GALNT17: variants seen among roughly 807,000 people sequenced by gnomAD.
GALNT17 encodes UDP-GalNAc:polypeptide N-acetylgalactosaminyltransferase-like 3.
Under a neutral mutation model 63.7 loss-of-function variants are expected in GALNT17, and 29 were observed. The observed-to-expected ratio is 0.46, with a 90% CI of 0.34 to 0.62. GALNT17 has a LOEUF of 0.62. GALNT17 is among the 20% of genes least tolerant of loss of function. The probability of loss-of-function intolerance (pLI) is 0.01; values close to 1 mark genes in which losing one functional copy is unlikely to be tolerated. For synonymous variants in GALNT17, 305 were observed against 318.3 expected (o/e 0.96, Z 0.45); for missense variants, 603 against 799.6 (o/e 0.75, Z 2.97).
chr7:71,381,367 C>G (rs966384582), intron 2 of GALNT17, among the ~76,000 whole-genome samples: 2 of 152,138 alleles, frequency 1.3e-5, no homozygotes, highest in Non-Finnish European at 2.9e-5. Context: ...ATTGATTTCT[C>G]TGTGGAGTAG....
At chr7:71,399,221 G>A (rs73175209) in intron 3 of GALNT17, among the ~76,000 whole-genome samples, 3 of 152,264 alleles carry the variant, frequency 2.0e-5, no homozygotes, top group Non-Finnish European at 4.4e-5. Flanking sequence ...GCAACAGAAT[G>A]AGATTCCATC....
intron 1 of GALNT17, among the ~76,000 whole-genome samples, chr7:71,213,223 T>C (rs1789415067): frequency 1.3e-5 from 2 of 152,202 alleles, no homozygotes; most frequent in Admixed American, 1.3e-4. Context: ...CTTACGGTTT[T>C]ATCAGGGGTT....
chr7:71,455,391 G>A (rs1226311572), intron 5 of GALNT17, among the ~76,000 whole-genome samples: 1 of 152,062 alleles, frequency 6.6e-6, no homozygotes, highest in Non-Finnish European at 1.5e-5. Context: ...CAGTTTGAAG[G>A]TTGCTCTGGG....
intron 2 of GALNT17, among the ~76,000 whole-genome samples, chr7:71,367,663 C>T (rs902974600): frequency 2.6e-5 from 4 of 152,020 alleles, no homozygotes; most frequent in African/African-American, 4.8e-5. Context: ...TAGCCACTGA[C>T]GAGTCCACCA....
rs867144930 is a variant in GALNT17 at position 71,406,674 on chromosome 7, C to T, written c.590-9215C>T. Among the ~76,000 whole-genome samples the T allele has an allele frequency of 3.3e-5, 5 of 151,382 alleles. No individual in the cohort carries two copies. The South Asian group carries it at 1.0e-3, about 32-fold the overall frequency. On this transcript the variant is annotated intron_variant, in intron 3 of 10. Transcript: ENST00000333538. ...TAGTCTTTGTAGGGCTGCTTTTATA[C>T]ATTTAGCTGATTGGTTATTTCAGGC...
intron 1 of GALNT17, among the ~76,000 whole-genome samples, chr7:71,274,550 G>T (rs1439600446): frequency 6.6e-6 from 1 of 152,202 alleles, no homozygotes; most frequent in Non-Finnish European, 1.5e-5. Flanking sequence ...AAAGCGCTGG[G>T]TTGGCAGATG....
intron 5 of GALNT17, among the ~76,000 whole-genome samples, chr7:71,434,959 G>A (rs954038675): frequency 3.3e-5 from 5 of 152,200 alleles, no homozygotes; most frequent in Non-Finnish European, 4.4e-5. Context: ...TCTGGAGAAG[G>A]CTGGTTGACA....
At chr7:71,588,736 A>G (rs1177072881) in intron 6 of GALNT17, among the ~76,000 whole-genome samples, 3 of 152,146 alleles carry the variant, frequency 2.0e-5, no homozygotes, top group Admixed American at 1.3e-4. Flanking sequence ...TCTGCTTAAC[A>G]TGGATTTGTT....
chr7:71,380,894 T>A (rs1228090133), intron 2 of GALNT17, among the ~76,000 whole-genome samples: 1 of 151,034 alleles, frequency 6.6e-6, no homozygotes, highest in South Asian at 2.1e-4. Context: ...GAGAGCTTGA[T>A]AAGGGGTAGA....
At chr7:71,264,043 G>A (rs543822821) in intron 1 of GALNT17, among the ~76,000 whole-genome samples, 5 of 152,270 alleles carry the variant, frequency 3.3e-5, no homozygotes, top group Non-Finnish European at 4.4e-5. Flanking sequence ...GGGGACTATC[G>A]TTTGAGAGCT....
chr7:71,163,548 G>A (rs1788385732), intron 1 of GALNT17, among the ~76,000 whole-genome samples: 1 of 152,210 alleles, frequency 6.6e-6, no homozygotes, highest in Non-Finnish European at 1.5e-5. Flanking sequence ...GGATTTTGGA[G>A]TCATAGTTAC....
At chr7:71,300,286 T>A in intron 1 of GALNT17, 1 of 314,412 alleles carries the variant, frequency 3.2e-6, no homozygotes, top group African/African-American at 2.2e-5. Flanking sequence ...AGAGAGGAAA[T>A]GTATCTGGAC....
At chr7:71,217,853 C>G (rs34396650) in intron 1 of GALNT17, among the ~76,000 whole-genome samples, 56,391 of 151,266 alleles carry the variant, frequency 0.37, 10,842 homozygotes, top group South Asian at 0.53. Flanking sequence ...GTGTGAACTC[C>G]GGAGGCGGAG....
intron 6 of GALNT17, among the ~76,000 whole-genome samples, chr7:71,599,580 G>A (rs1459456301): frequency 6.6e-6 from 1 of 151,942 alleles, no homozygotes; most frequent in East Asian, 2.0e-4. Context: ...TTAAGCCTAG[G>A]CTGTTTCTTC....
At chr7:71,436,877 G>C (rs192209465) in intron 5 of GALNT17, among the ~76,000 whole-genome samples, 2 of 152,036 alleles carry the variant, frequency 1.3e-5, no homozygotes, top group Non-Finnish European at 2.9e-5. Flanking sequence ...ATTTCTCTGC[G>C]GGGGTCCATC....
chr7:71,490,151 G>A (rs1445718337), intron 5 of GALNT17, among the ~76,000 whole-genome samples: 2 of 151,954 alleles, frequency 1.3e-5, no homozygotes, highest in African/African-American at 2.4e-5. Context: ...CCAGCTACTC[G>A]GAGGCTGAGG....
Position 71,149,621 on chromosome 7 carries a change from G to A in GALNT17, c.238+16581G>A, listed in dbSNP as rs566765360. ...TCCAGGACTCTAAATTATGCTGTGC[G>A]AGCTGTAAATCCAGCCCATAATTAG... On this transcript the variant is annotated intron_variant, in intron 1 of 10. Coordinates refer to ENST00000333538, the MANE Select transcript of GALNT17 (RefSeq NM_022479.3). Among the ~76,000 whole-genome samples the A allele has an allele frequency of 7.2e-5, 11 of 152,276 alleles. 1 individual carries two copies. In the South Asian group the frequency reaches 2.3e-3, roughly 32 times the overall value.
chr7:71,703,713 G>A (rs1007178451), intron 9 of GALNT17, among the ~76,000 whole-genome samples: 1 of 152,192 alleles, frequency 6.6e-6, no homozygotes, highest in African/African-American at 2.4e-5. Flanking sequence ...GATAAGTAGA[G>A]CTGTGGCTAG....
intron 6 of GALNT17, among the ~76,000 whole-genome samples, chr7:71,608,899 C>T (rs1790084374): frequency 6.6e-6 from 1 of 152,056 alleles, no homozygotes; most frequent in Non-Finnish European, 1.5e-5. Flanking sequence ...CCACCTCAGC[C>T]TCCCAAGTAG....
Sources: allele counts gnomAD v4.1 joint callset (sites outside exome capture counted in the v4.1 genomes callset), GRCh38; gene constraint gnomAD v4.1.1; transcripts MANE v1.5; gene names NCBI Gene and HGNC (gene_info 2026-07-23, HGNC 2026-07-21).